ASPA: variants seen among roughly 807,000 people sequenced by gnomAD.
The protein encoded by ASPA is ACY-2.
Under a neutral mutation model 29.6 loss-of-function variants are expected in ASPA, and 25 were observed. That is an observed-to-expected ratio of 0.85 (90% CI 0.62 to 1.18). The LOEUF (loss-of-function observed/expected upper bound fraction) is 1.18. Among genes scored for constraint, ASPA ranks in the 50% most tolerant of loss-of-function variants. The pLI, the probability that ASPA is intolerant of heterozygous loss-of-function variation, is 0.00. For missense variants in ASPA, 333 were observed against 385.7 expected, an observed-to-expected ratio of 0.86 and a Z score of 1.14; for synonymous variants, 131 against 130.3, an observed-to-expected ratio of 1.01 and a Z score of -0.04.
intron 5 of ASPA, among the ~76,000 whole-genome samples, chr17:3,496,837 C>A (rs976050416): frequency 6.6e-6 from 1 of 152,150 alleles, no homozygotes; most frequent in Non-Finnish European, 1.5e-5. Context: ...GAGGCCGAGG[C>A]GGGCGGATCA....
Position 3,485,341 on chromosome 17 carries a change from C to T in ASPA, c.526+1749C>T, listed in dbSNP as rs2073700446. On this transcript the variant is annotated intron_variant, in intron 3 of 5. Coordinates refer to ENST00000263080, the MANE Select transcript of ASPA (RefSeq NM_000049.4). The surrounding 1 kb of genome is among the most constrained non-coding windows in gnomAD (Gnocchi z 4.4). ...CACAGTTTTAATCACACCTATCCCA[C>T]ACAGACTTATACAAACTTATCCATT... Among the ~76,000 whole-genome samples, 1 of 152,136 alleles carries T rather than the reference C, an allele frequency of 6.6e-6. No individual in the cohort carries two copies. The highest frequency in any genetic ancestry group is 2.4e-5 in the African/African-American group (1 of 41,418).
chr17:3,494,966 T>G (rs1271583801), intron 5 of ASPA, among the ~76,000 whole-genome samples: 1 of 152,180 alleles, frequency 6.6e-6, no homozygotes, highest in Non-Finnish European at 1.5e-5. Context: ...GCTACCTCCC[T>G]GTGACAGAAT....
In ASPA at chr17:3,499,732, C is replaced by G. The variant is rs935995037; in HGVS notation, c.*644C>G. ...TGTGAGTTCTAACTGCTCTACTGAC[C>G]GGCCATTTCCTTGTCTCTCTCCCTG... On this transcript the variant is annotated 3_prime_UTR_variant, in exon 6 of 6. Coordinates refer to ENST00000263080, the MANE Select transcript of ASPA (RefSeq NM_000049.4). 1 of 152,220 alleles carries G rather than the reference C, an allele frequency of 6.6e-6. No homozygotes were observed. The highest frequency in any genetic ancestry group is 2.4e-5 in the African/African-American group (1 of 41,410). The allele number at this position is 152,220 out of a possible 1,614,324, so 9.4% of individuals were successfully genotyped here. A position where few individuals can be genotyped will look rare whatever the true frequency, so the allele number is the denominator to read the frequency against.
At chr17:3,476,725 T>C (rs921162498) in intron 1 of ASPA, among the ~76,000 whole-genome samples, 2 of 152,224 alleles carry the variant, frequency 1.3e-5, no homozygotes, top group Non-Finnish European at 2.9e-5. Context: ...CTCCTTTGCA[T>C]TGAGTTAGTG....
At chr17:3,497,459 G>C (rs1755451086) in intron 5 of ASPA, among the ~76,000 whole-genome samples, 1 of 152,212 alleles carries the variant, frequency 6.6e-6, no homozygotes, top group Non-Finnish European at 1.5e-5. Context: ...ATGACTCCAT[G>C]CTCTGCAAGT....
intron 4 of ASPA, among the ~76,000 whole-genome samples, chr17:3,491,877 CTTTTTTT>C (rs540965896): frequency 1.6e-5 from 2 of 123,062 alleles, no homozygotes; most frequent in Non-Finnish European, 1.6e-5. Context: ...CTTTTGTTTT[CTTTTTTT>C]TTTTTTTTTT....
At position 3,481,727 on chromosome 17, in the gene ASPA, A is replaced by G. The variant is rs148451498; in HGVS notation, c.361A>G (p.Asn121Asp). Residue 121 changes from asparagine to aspartate, a missense_variant, in exon 2 of 6, where the codon AAC (asparagine) becomes GAC (aspartate). By Grantham distance (23) the Asn-to-Asp change is conservative. Coordinates refer to ENST00000263080, the MANE Select transcript of ASPA (RefSeq NM_000049.4). ...IIFDLHNTTS[N>D]MGCTLILEDS... Reference sequence around the variant, plus strand: ...TTTTGACCTTCACAACACCACCTCTAACATGGGGTGCACTCTTATTCTTGA... The same window carrying G: ...TTTTGACCTTCACAACACCACCTCTGACATGGGGTGCACTCTTATTCTTGA... The G allele has an allele frequency of 1.3e-5, 21 of 1,613,682 alleles. No individual in the cohort carries two copies. The highest frequency in any genetic ancestry group is 1.6e-5 in the Non-Finnish European group (19 of 1,179,824).
intron 1 of ASPA, among the ~76,000 whole-genome samples, chr17:3,481,033 A>G (rs1244128122): frequency 6.6e-6 from 1 of 152,094 alleles, no homozygotes. Context: ...TGAGATGGGA[A>G]GATTGCTTGA....
intron 3 of ASPA, among the ~76,000 whole-genome samples, chr17:3,486,316 T>C (rs1470236423): frequency 6.6e-6 from 1 of 152,200 alleles, no homozygotes; most frequent in African/African-American, 2.4e-5. Context: ...TCCAAGGCTG[T>C]TCACTATACA....
At chr17:3,494,693 A>G (rs1597445999) in intron 5 of ASPA, among the ~76,000 whole-genome samples, 1 of 152,202 alleles carries the variant, frequency 6.6e-6, no homozygotes, top group Non-Finnish European at 1.5e-5. Flanking sequence ...AATGGAATTT[A>G]TAGTGTAGGT....
At chr17:3,494,019 T>G (rs2150758609) in intron 4 of ASPA, among the ~76,000 whole-genome samples, 1 of 139,792 alleles carries the variant, frequency 7.2e-6, no homozygotes, top group East Asian at 2.1e-4. Context: ...CTTACATTGT[T>G]AACTTCCCTT....
chr17:3,489,968 G>C (rs1437757247), intron 4 of ASPA, among the ~76,000 whole-genome samples: 1 of 152,166 alleles, frequency 6.6e-6, no homozygotes, highest in Non-Finnish European at 1.5e-5. Flanking sequence ...TGTTGGTGGA[G>C]AGTTAAATAA....
intron 3 of ASPA, among the ~76,000 whole-genome samples, chr17:3,484,566 G>C (rs1296480877): frequency 6.6e-6 from 1 of 152,164 alleles, no homozygotes; most frequent in East Asian, 1.9e-4. Flanking sequence ...CAGGATTCTA[G>C]ACAAGTGTCT....
At chr17:3,498,039 A>G (rs1255907712) in intron 5 of ASPA, among the ~76,000 whole-genome samples, 1 of 152,146 alleles carries the variant, frequency 6.6e-6, no homozygotes, top group Non-Finnish European at 1.5e-5. Flanking sequence ...GTAGGAGCAC[A>G]TTTGGAATAC....
chr17:3,482,763 C>T (rs2073652558), intron 2 of ASPA, among the ~76,000 whole-genome samples: 1 of 145,204 alleles, frequency 6.9e-6, no homozygotes, highest in South Asian at 2.3e-4. Context: ...CATAATGTAG[C>T]GATTCTTTTT....
chr17:3,496,316 C>CA (rs898180439), intron 5 of ASPA, among the ~76,000 whole-genome samples: 94 of 152,214 alleles, frequency 6.2e-4, no homozygotes, highest in African/African-American at 2.2e-3. Flanking sequence ...ATATGTAAAC[C>CA]AAATCATTTC....
chr17:3,483,059 T>C (rs1187788159), intron 2 of ASPA, among the ~76,000 whole-genome samples: 2 of 151,424 alleles, frequency 1.3e-5, no homozygotes, highest in Non-Finnish European at 2.9e-5. Flanking sequence ...GTCTTCAATT[T>C]TCATGCAGAT....
intron 5 of ASPA, among the ~76,000 whole-genome samples, chr17:3,494,946 C>T (rs2073885371): frequency 1.3e-5 from 2 of 152,092 alleles, no homozygotes; most frequent in African/African-American, 2.4e-5. Flanking sequence ...TCAAGTTGGC[C>T]GCATCACTTG....
At chr17:3,487,033 C>T (rs1255111229) in intron 3 of ASPA, among the ~76,000 whole-genome samples, 1 of 150,824 alleles carries the variant, frequency 6.6e-6, no homozygotes, top group Non-Finnish European at 1.5e-5. Context: ...CAGTCGCTTT[C>T]CCATATTTGT....
Sources: allele counts gnomAD v4.1 joint callset (sites outside exome capture counted in the v4.1 genomes callset), GRCh38; gene constraint gnomAD v4.1.1; non-coding constraint Gnocchi (gnomAD v3.1); transcripts MANE v1.5; gene names NCBI Gene and HGNC (gene_info 2026-07-23, HGNC 2026-07-21).